CCDC178: variants seen among roughly 807,000 people sequenced by gnomAD.
CCDC178 encodes the protein coiled-coil domain-containing protein 178.
Under a neutral mutation model 117.4 loss-of-function variants are expected in CCDC178, and 126 were observed. The ratio of observed to expected loss-of-function variants is 1.07; its 90% confidence interval spans 0.93 to 1.24. The LOEUF is 1.24. Among genes scored for constraint, CCDC178 ranks in the 50% most tolerant of loss-of-function variants. The pLI, the probability that CCDC178 is intolerant of heterozygous loss-of-function variation, is 0.00. For synonymous variants in CCDC178, 283 were observed against 313.4 expected (o/e 0.90, Z 1.02); for missense variants, 1,030 against 986.9 (o/e 1.04, Z -0.59).
At chr18:33,144,057 T>C (rs375459947) in intron 20 of CCDC178, among the ~76,000 whole-genome samples, 6 of 152,234 alleles carry the variant, frequency 3.9e-5, no homozygotes, top group East Asian at 3.9e-4. Flanking sequence ...TCCCAATAGA[T>C]TATATTTTGT....
intron 21 of CCDC178, among the ~76,000 whole-genome samples, chr18:32,991,029 T>G (rs1334309145): frequency 6.6e-6 from 1 of 151,320 alleles, no homozygotes; most frequent in Non-Finnish European, 1.5e-5. Context: ...AATTTTATAT[T>G]TATTATTATT....
intron 9 of CCDC178, among the ~76,000 whole-genome samples, chr18:33,344,847 AC>A (rs1195362529): frequency 6.2e-5 from 9 of 145,982 alleles, no homozygotes; most frequent in Admixed American, 3.4e-4. Flanking sequence ...ACACACACAC[AC>A]ACACACATAT....
At chr18:33,102,228 C>T (rs1223135533) in intron 20 of CCDC178, among the ~76,000 whole-genome samples, 1 of 151,722 alleles carries the variant, frequency 6.6e-6, no homozygotes, top group East Asian at 1.9e-4. Flanking sequence ...CACACATGGA[C>T]AGAACATTAA....
chr18:33,393,800 G>A (rs1349423572), intron 4 of CCDC178, among the ~76,000 whole-genome samples: 1 of 151,928 alleles, frequency 6.6e-6, no homozygotes, highest in African/African-American at 2.4e-5. Flanking sequence ...GAATGGTCTG[G>A]GATAATAGTT....
At chr18:33,293,090 CA>C (rs35643699) in intron 12 of CCDC178, 68 bp downstream of exon 12, 170 of 1,117,566 alleles carry the variant, frequency 1.5e-4, no homozygotes, top group Non-Finnish European at 1.7e-4. Context: ...TAATTATTGA[CA>C]AAAAAGTTTA....
At chr18:32,944,258 G>A (rs1454190706) in intron 22 of CCDC178, among the ~76,000 whole-genome samples, 1 of 152,182 alleles carries the variant, frequency 6.6e-6, no homozygotes, top group Non-Finnish European at 1.5e-5. Flanking sequence ...TAAAAGAGAT[G>A]ATGTGTAAGC....
chr18:33,190,000 T>C (rs914770970), intron 20 of CCDC178, among the ~76,000 whole-genome samples: 4 of 151,884 alleles, frequency 2.6e-5, no homozygotes, highest in Non-Finnish European at 4.4e-5. Context: ...AACCAGATCA[T>C]ATGCTGACCA....
chr18:33,428,087 G>A (rs1298167083), intron 2 of CCDC178, among the ~76,000 whole-genome samples: 1 of 152,056 alleles, frequency 6.6e-6, no homozygotes, highest in African/African-American at 2.4e-5. Context: ...GTACTATTCT[G>A]TTTTATTATG....
At chr18:33,376,920 C>A (rs767135527) in intron 5 of CCDC178, among the ~76,000 whole-genome samples, 1 of 152,078 alleles carries the variant, frequency 6.6e-6, no homozygotes, top group Non-Finnish European at 1.5e-5. Flanking sequence ...CAAATGAGTG[C>A]GTTGTCTTTT....
intron 20 of CCDC178, among the ~76,000 whole-genome samples, chr18:33,160,475 T>C (rs1458209335): frequency 6.6e-6 from 1 of 152,124 alleles, no homozygotes; most frequent in Non-Finnish European, 1.5e-5. Flanking sequence ...TTCACATGAC[T>C]CTCAATCTTG....
rs556218860 is a variant in CCDC178 at position 33,283,389 on chromosome 18, G to A, written c.1176+9770C>T. Among the ~76,000 whole-genome samples the A allele has an allele frequency of 1.1e-4, 16 of 152,224 alleles. No homozygotes were observed. In the South Asian group the frequency reaches 3.1e-3, roughly 30 times the overall value. On this transcript the variant is annotated intron_variant, in intron 12 of 22. Transcript: ENST00000383096. ...GCCTTCTTTGACCAAGATGCCAAAA[G>A]CAATTGCCACAAAACTAAAAATTGA...
chr18:33,272,592 C>CAAGA (rs1298527855), intron 12 of CCDC178, among the ~76,000 whole-genome samples: 1 of 151,522 alleles, frequency 6.6e-6, no homozygotes, highest in African/African-American at 2.4e-5. Context: ...CAAGACATCA[C>CAAGA]AAGAAATGAA....
At chr18:33,043,515 A>C (rs778924070) in intron 21 of CCDC178, among the ~76,000 whole-genome samples, 7 of 152,100 alleles carry the variant, frequency 4.6e-5, no homozygotes, top group Non-Finnish European at 7.4e-5. Context: ...AGTTCTTAGA[A>C]TGGTGTGTGG....
chr18:33,218,825 A>C (rs925004859), intron 18 of CCDC178, among the ~76,000 whole-genome samples: 3 of 152,060 alleles, frequency 2.0e-5, no homozygotes, highest in African/African-American at 7.2e-5. Flanking sequence ...CTGTTTTGGT[A>C]TCAATACCAT....
intron 20 of CCDC178, among the ~76,000 whole-genome samples, chr18:33,099,502 C>CG (rs1448063995): frequency 5.3e-5 from 8 of 152,000 alleles, no homozygotes; most frequent in Non-Finnish European, 2.9e-5. Flanking sequence ...AAGCGGGCTC[C>CG]AAGTCTGTTT....
chr18:32,951,642 C>T lies in CCDC178; in HGVS notation c.2524-13551G>A, dbSNP rs373906033. On this transcript the variant is annotated intron_variant, in intron 22 of 22. Coordinates refer to ENST00000383096, the MANE Select transcript of CCDC178 (RefSeq NM_001105528.4). Reference sequence around the variant, plus strand: ...CCAAGCCAAACCATATCATTCTGCCCCAGCTCCTCCCAAATCTCATGTCCT... The same window carrying T: ...CCAAGCCAAACCATATCATTCTGCCTCAGCTCCTCCCAAATCTCATGTCCT... Among the ~76,000 whole-genome samples, 11 of 152,244 alleles carry T rather than the reference C, an allele frequency of 7.2e-5. No homozygotes were observed. The East Asian group carries it at 1.9e-3, about 27-fold the overall frequency.
At chr18:32,999,323 A>G (rs1355605593) in intron 21 of CCDC178, among the ~76,000 whole-genome samples, 11 of 152,152 alleles carry the variant, frequency 7.2e-5, no homozygotes, top group Admixed American at 7.2e-4. Context: ...TCACAGTAGA[A>G]TAGAGCACCA....
chr18:33,291,752 C>CA (rs2060168188), intron 12 of CCDC178, among the ~76,000 whole-genome samples: 1 of 152,052 alleles, frequency 6.6e-6, no homozygotes, highest in East Asian at 1.9e-4. Flanking sequence ...ATGAAGAGAA[C>CA]AAACAGCCAG....
At chr18:32,980,229 T>C (rs2055120450) in intron 21 of CCDC178, among the ~76,000 whole-genome samples, 3 of 152,100 alleles carry the variant, frequency 2.0e-5, no homozygotes, top group Admixed American at 2.0e-4. Context: ...AGTAACCATA[T>C]AAGCTGCAGG....
Sources: allele counts gnomAD v4.1 joint callset (sites outside exome capture counted in the v4.1 genomes callset), GRCh38; gene constraint gnomAD v4.1.1; transcripts MANE v1.5; gene names NCBI Gene and HGNC (gene_info 2026-07-23, HGNC 2026-07-21).